EML5: variants seen among roughly 807,000 people sequenced by gnomAD.
EML5 encodes echinoderm microtubule-associated protein-like 5.
A neutral mutation model predicts 250.0 loss-of-function variants in EML5; 120 were observed. That is an observed-to-expected ratio of 0.48 (90% CI 0.41 to 0.56). EML5 has a LOEUF of 0.56. Among genes scored for constraint, EML5 ranks in the 20% least tolerant of loss-of-function variants. EML5 has a pLI of 0.00. For missense variants in EML5, 2,006 were observed against 2,437.6 expected, an observed-to-expected ratio of 0.82 and a Z score of 3.73; for synonymous variants, 771 against 806.5, an observed-to-expected ratio of 0.96 and a Z score of 0.75.
intron 27 of EML5, among the ~76,000 whole-genome samples, chr14:88,653,586 G>C (rs1022353427): frequency 1.3e-5 from 2 of 152,158 alleles, no homozygotes; most frequent in Non-Finnish European, 2.9e-5. Context: ...CTGTTCATGT[G>C]ATGGATTACA....
At chr14:88,767,612 AT>A (rs1233468779) in intron 1 of EML5, among the ~76,000 whole-genome samples, 1 of 152,002 alleles carries the variant, frequency 6.6e-6, no homozygotes. Flanking sequence ...TCTCAACTGT[AT>A]TTTTTTGCAT....
intron 1 of EML5, among the ~76,000 whole-genome samples, chr14:88,786,185 G>A (rs1325520815): frequency 6.6e-6 from 1 of 152,082 alleles, no homozygotes; most frequent in African/African-American, 2.4e-5. Flanking sequence ...TTACAGTGAG[G>A]TCTTCCTGGC....
At chr14:88,635,350 T>G (rs2090661888) in intron 32 of EML5, among the ~76,000 whole-genome samples, 1 of 152,162 alleles carries the variant, frequency 6.6e-6, no homozygotes, top group African/African-American at 2.4e-5. Flanking sequence ...GAAATATCAT[T>G]TTTAGTTATG....
intron 21 of EML5, among the ~76,000 whole-genome samples, chr14:88,680,833 G>C (rs191440046): frequency 5.3e-4 from 80 of 152,000 alleles, no homozygotes; most frequent in African/African-American, 1.9e-3. Context: ...CACAGGTAAA[G>C]TCCAATCAAA....
intron 7 of EML5, among the ~76,000 whole-genome samples, chr14:88,729,823 A>C (rs1397260337): frequency 2.0e-5 from 3 of 150,530 alleles, no homozygotes; most frequent in Non-Finnish European, 4.4e-5. Flanking sequence ...AGTCTCCCAA[A>C]GTACTGGGAT....
chr14:88,674,121 T>A (rs1294540193), intron 21 of EML5, among the ~76,000 whole-genome samples: 2 of 152,070 alleles, frequency 1.3e-5, no homozygotes, highest in African/African-American at 4.8e-5. Context: ...GTACAAAAAT[T>A]AGCCAGGCAT....
chr14:88,740,655 T>G (rs1315715033), intron 4 of EML5, 83 bp from the exon 5 acceptor site: 1 of 1,225,244 alleles, frequency 8.2e-7, no homozygotes, highest in Non-Finnish European at 1.1e-6. Context: ...GATGCTATAT[T>G]AGAGCAGTGA....
chr14:88,711,592 A>T (rs1182106492), intron 10 of EML5, among the ~76,000 whole-genome samples: 1 of 151,762 alleles, frequency 6.6e-6, no homozygotes, highest in Non-Finnish European at 1.5e-5. Context: ...ATCACTTCTC[A>T]CCAGGTTCCT....
intron 1 of EML5, among the ~76,000 whole-genome samples, chr14:88,766,140 C>T (rs1761070136): frequency 6.6e-6 from 1 of 152,060 alleles, no homozygotes; most frequent in Non-Finnish European, 1.5e-5. Flanking sequence ...GGATGTATGT[C>T]GCCTCAGGAC....
rs1756515628 is a variant in EML5 at position 88,620,104 on chromosome 14, ACT to A, written c.5375+648_5375+649del. ...AGACATGTAAAAGCTAAGGGAAGCCACTGTTACTATTTTATATATTGAAGTTC... is the reference window on the plus strand; with the variant it reads ...AGACATGTAAAAGCTAAGGGAAGCCAGTTACTATTTTATATATTGAAGTTC... On this transcript the variant is annotated intron_variant, in intron 39 of 43. Transcript: ENST00000554922. The surrounding 1 kb of genome is among the most constrained non-coding windows in gnomAD (Gnocchi z 4.3). The A allele has an allele frequency of 6.6e-6, 1 of 152,242 alleles. No homozygotes were observed. The highest frequency in any genetic ancestry group is 1.5e-5 in the Non-Finnish European group (1 of 68,044). The allele number at this position is 152,242 out of a possible 1,614,324, so 9.4% of individuals were successfully genotyped here.
intron 21 of EML5, among the ~76,000 whole-genome samples, chr14:88,669,252 C>T (rs1183276004): frequency 6.6e-6 from 1 of 152,176 alleles, no homozygotes; most frequent in Non-Finnish European, 1.5e-5. Flanking sequence ...TCTCAGTGGC[C>T]ACTTAGCTAC....
At chr14:88,633,070 T>G (rs903852109) in intron 33 of EML5, among the ~76,000 whole-genome samples, 9 of 152,164 alleles carry the variant, frequency 5.9e-5, no homozygotes, top group Non-Finnish European at 1.3e-4. Flanking sequence ...TTTCTCCTAG[T>G]GAACTGCTGA....
At chr14:88,647,968 G>C (rs1323604609) in intron 28 of EML5, among the ~76,000 whole-genome samples, 1 of 152,170 alleles carries the variant, frequency 6.6e-6, no homozygotes, top group Non-Finnish European at 1.5e-5. Flanking sequence ...AAGAGCCTAA[G>C]TTCCACCTGT....
At chr14:88,725,213 G>T (rs68122150) in intron 8 of EML5, among the ~76,000 whole-genome samples, 3 of 151,992 alleles carry the variant, frequency 2.0e-5, no homozygotes, top group African/African-American at 7.3e-5. Context: ...AGATGAAAAA[G>T]TTCTGAAGCT....
chr14:88,743,848 C>T (rs2093963508), intron 4 of EML5, among the ~76,000 whole-genome samples, 175 bp downstream of exon 4: 1 of 151,918 alleles, frequency 6.6e-6, no homozygotes, highest in Non-Finnish European at 1.5e-5. Flanking sequence ...TACAATAGTT[C>T]AAAGCAAATA....
chr14:88,752,271 AT>A (rs980669421), intron 2 of EML5, among the ~76,000 whole-genome samples: 36 of 152,298 alleles, frequency 2.4e-4, no homozygotes, highest in African/African-American at 8.7e-4. Context: ...TAAGAAGAAA[AT>A]ATCTATATTT....
chr14:88,687,219 T>C lies in EML5; in HGVS notation c.2851A>G (p.Lys951Glu). The change falls in exon 19 of 44, where the codon AAA becomes GAA. Residue 951 changes from lysine (K) to glutamate (E), a missense_variant. Physicochemically the swap from Lys to Glu is moderately conservative, Grantham distance 56 (BLOSUM62 1). Around this residue, in one of 7 missense-constraint regions of EML5, gnomAD observed 1,375 missense variants for 1,590.3 expected, o/e 0.86. Coordinates refer to ENST00000554922, the MANE Select transcript of EML5 (RefSeq NM_183387.3). ...ACCCCACTAAGTCTCAAATCACCTTTAGATCCTGGGGCCAATGCAGCTCTT... is the reference window on the plus strand; with the variant it reads ...ACCCCACTAAGTCTCAAATCACCTTCAGATCCTGGGGCCAATGCAGCTCTT... ...IKRAALAPGS[K>E]GLLLEDNPSI... 1.2e-6 allele frequency: 2 copies of C among 1,604,952 alleles called. No individual in the cohort carries two copies. Among genetic ancestry groups the C allele is most frequent in the Non-Finnish European group, 1.7e-6 (2 of 1,176,310 alleles).
chr14:88,625,389 T>C lies in EML5; in HGVS notation c.4741-262A>G, dbSNP rs188060750. 1.8e-4 allele frequency: 66 copies of C among 375,720 alleles called. No homozygotes were observed. In the East Asian group the frequency reaches 3.3e-3, roughly 19 times the overall value. 23.3% of individuals were successfully genotyped at this position (375,720 alleles called of 1,614,324 possible). A position where few individuals can be genotyped will look rare whatever the true frequency, so the allele number is the denominator to read the frequency against. On this transcript the variant is annotated intron_variant, in intron 35 of 43. Transcript: ENST00000554922. ...CTTCCCTTCCAATTCTAACATACTA[T>C]AATTCTAGGGTTTATTTTTTATTTT...
chr14:88,715,675 T>G (rs967789079), intron 8 of EML5, among the ~76,000 whole-genome samples: 12 of 151,856 alleles, frequency 7.9e-5, no homozygotes, highest in African/African-American at 2.7e-4. Context: ...TTTTTTTTTT[T>G]GAGACAGAGT....
Sources: gnomAD v4.1 joint callset for allele counts (sites outside exome capture counted in the v4.1 genomes callset) on GRCh38, gnomAD v4.1.1 for gene constraint, gnomAD v4.1.1 regional missense constraint, Gnocchi (gnomAD v3.1) non-coding constraint, MANE v1.5 for transcripts, NCBI Gene and HGNC (gene_info 2026-07-23, HGNC 2026-07-21) for gene names.